Variants in MAP3K15 observed in about 807,000 individuals in gnomAD.
MAP3K15 encodes the protein MAPK/ERK kinase kinase 15.
A neutral mutation model predicts 99.5 loss-of-function variants in MAP3K15; 124 were observed. The observed-to-expected ratio is 1.25, with a 90% CI of 1.08 to 1.45. MAP3K15 has a LOEUF of 1.45. MAP3K15 is among the 40% of genes most tolerant of loss of function. The pLI, the probability that MAP3K15 is intolerant of heterozygous loss-of-function variation, is 0.00. For synonymous variants in MAP3K15, 494 were observed against 439.6 expected (o/e 1.12, Z -1.55); for missense variants, 1,242 against 1,079.7 (o/e 1.15, Z -2.11).
At chrX:19,480,653 TAAAAAA>T (rs746641774) in intron 3 of MAP3K15, among the ~76,000 whole-genome samples, 2 of 68,459 alleles carry the variant, frequency 2.9e-5, no homozygotes, top group African/African-American at 5.8e-5. Context: ...GGTCTCTACT[TAAAAAA>T]AAAAAAAAAA....
intron 3 of MAP3K15, among the ~76,000 whole-genome samples, chrX:19,469,395 T>C: frequency 8.9e-6 from 1 of 111,787 alleles, no homozygotes; most frequent in East Asian, 2.8e-4. Context: ...ATACACAAAT[T>C]AATTCAAGAT....
intron 23 of MAP3K15, 114 bp downstream of exon 23, chrX:19,371,231 G>A (rs776067462): frequency 4.2e-5 from 37 of 887,062 alleles, no homozygotes; most frequent in Non-Finnish European, 5.5e-5. Context: ...AGGAGGAGCT[G>A]CTGAAGCTTG....
chrX:19,362,230 C>CTTTT (rs1159241316), intron 26 of MAP3K15, among the ~76,000 whole-genome samples: 4 of 75,670 alleles, frequency 5.3e-5, no homozygotes, highest in Non-Finnish European at 9.7e-5. Flanking sequence ...CCTTTTGAAT[C>CTTTT]TTTTTTTTTT....
At chrX:19,381,132 G>T (rs1023926859) in intron 18 of MAP3K15, among the ~76,000 whole-genome samples, 2 of 111,915 alleles carry the variant, frequency 1.8e-5, no homozygotes, top group Non-Finnish European at 3.8e-5. Flanking sequence ...TCTCTGCCTG[G>T]TTCGGGTCAG....
At chrX:19,499,431 T>C (rs1016526790) in intron 1 of MAP3K15, among the ~76,000 whole-genome samples, 3 of 112,303 alleles carry the variant, frequency 2.7e-5, no homozygotes, top group African/African-American at 9.7e-5. Context: ...CATAGGTATT[T>C]ACTCAAGAGG....
chrX:19,468,356 T>G (rs1203359435), intron 3 of MAP3K15, among the ~76,000 whole-genome samples: 1 of 112,297 alleles, frequency 8.9e-6, no homozygotes, highest in African/African-American at 3.2e-5. Flanking sequence ...ACTTTAATTG[T>G]ATCAAACTGT....
chrX:19,452,055 T>TCAGAGCAGAG, intron 6 of MAP3K15, among the ~76,000 whole-genome samples: 1 of 84,337 alleles, frequency 1.2e-5, no homozygotes, highest in Non-Finnish European at 2.1e-5. Flanking sequence ...CAGGATTCTG[T>TCAGAGCAGAG]CAGAGAAGAG....
chrX:19,382,019 C>T (rs924178557), intron 18 of MAP3K15, among the ~76,000 whole-genome samples: 8 of 111,104 alleles, frequency 7.2e-5, no homozygotes, highest in Admixed American at 4.8e-4. Context: ...CCGAGGCAGG[C>T]GGATCACCTG....
intron 3 of MAP3K15, among the ~76,000 whole-genome samples, chrX:19,465,940 C>A (rs914933510): frequency 2.8e-5 from 3 of 108,870 alleles, no homozygotes; most frequent in African/African-American, 1.0e-4. Flanking sequence ...AACAAAGACT[C>A]TCTGTTCCCT....
At position 19,515,273 on chromosome X, in the gene MAP3K15, C is replaced by A; in HGVS notation, c.-12G>T. On this transcript the variant is annotated 5_prime_UTR_variant, in exon 1 of 29. Transcript: ENST00000338883. ...CCGCCGCTCTCCATGTGCCCGCCTG[C>A]GCGCCCTTCCCCTGGGCGAGTGGCC... The A allele has an allele frequency of 3.4e-6, 3 of 882,796 alleles. No homozygotes were observed. The highest frequency in any genetic ancestry group is 4.2e-6 in the Non-Finnish European group (3 of 719,893). 72.8% of individuals were successfully genotyped at this position (882,796 alleles called of 1,213,427 possible). A position where few individuals can be genotyped will look rare whatever the true frequency, so the allele number is the denominator to read the frequency against.
chrX:19,489,833 C>T (rs1052482108), intron 1 of MAP3K15, among the ~76,000 whole-genome samples: 7 of 110,405 alleles, frequency 6.3e-5, no homozygotes, highest in Non-Finnish European at 9.5e-5. Flanking sequence ...GTCAGGAGTT[C>T]GAGACCAGCC....
intron 5 of MAP3K15, 60 bp downstream of exon 5, chrX:19,459,925 C>A (rs16981176): frequency 0.031 from 29,056 of 927,893 alleles, 1,779 homozygotes; most frequent in African/African-American, 0.28. Context: ...CTTCACAAGA[C>A]GTTCCTCAAG....
At chrX:19,418,796 A>G (rs977739881) in intron 9 of MAP3K15, among the ~76,000 whole-genome samples, 5 of 112,117 alleles carry the variant, frequency 4.5e-5, no homozygotes, top group African/African-American at 1.6e-4. Context: ...GAGAGAGGTC[A>G]GGTTACCCAC....
intron 24 of MAP3K15, among the ~76,000 whole-genome samples, chrX:19,370,693 G>A (rs73637634): frequency 0.043 from 4,767 of 111,329 alleles, 131 homozygotes; most frequent in South Asian, 0.12. Context: ...CACCGCGTCC[G>A]GCCCCATGCT....
chrX:19,441,226 T>A (rs2063957110), intron 6 of MAP3K15, among the ~76,000 whole-genome samples: 1 of 111,173 alleles, frequency 9.0e-6, no homozygotes, highest in Non-Finnish European at 1.9e-5. Flanking sequence ...GACTAGTGTT[T>A]TCCTCAGGCT....
rs189545910 is a variant in MAP3K15, at chrX:19,434,484, C to T, written c.996-2876G>A. ...AACTCATGATCTCAGGTGATCCACC[C>T]GCCTCGGCCTCCCAAAGTGCTGGGA... On this transcript the variant is annotated intron_variant, in intron 6 of 28. Transcript: ENST00000338883. Among the ~76,000 whole-genome samples the T allele has an allele frequency of 7.3e-5, 8 of 109,546 alleles. No individual in the cohort carries two copies. The East Asian group carries it at 8.5e-4, about 12-fold the overall frequency.
chrX:19,457,654 A>T (rs768999913), intron 5 of MAP3K15, among the ~76,000 whole-genome samples: 2 of 112,356 alleles, frequency 1.8e-5, no homozygotes, highest in South Asian at 7.4e-4. Flanking sequence ...ATCAGCAGAG[A>T]TGTGTGTTAA....
At chrX:19,439,182 A>C (rs888220870) in intron 6 of MAP3K15, among the ~76,000 whole-genome samples, 2 of 111,501 alleles carry the variant, frequency 1.8e-5, no homozygotes, top group African/African-American at 3.3e-5. Flanking sequence ...CCCTCTCACC[A>C]TATGAGCTGC....
chrX:19,390,303 CTTTTT>C (rs869140702), intron 18 of MAP3K15, among the ~76,000 whole-genome samples: 3 of 69,353 alleles, frequency 4.3e-5, no homozygotes, highest in African/African-American at 1.4e-4. Context: ...CTAATTTTTT[CTTTTT>C]TTTTTTTTTT....
Sources: allele counts gnomAD v4.1 joint callset (sites outside exome capture counted in the v4.1 genomes callset), GRCh38; gene constraint gnomAD v4.1.1; transcripts MANE v1.5; gene names NCBI Gene and HGNC (gene_info 2026-07-23, HGNC 2026-07-21).